The following PSME4 variants were observed in gnomAD, a reference collection of about 807,000 sequenced individuals.
The protein encoded by PSME4 is proteasome activator subunit 4.
A neutral mutation model predicts 253.9 loss-of-function variants in PSME4; 89 were observed. That is an observed-to-expected ratio of 0.35 (90% CI 0.30 to 0.42). PSME4 has a LOEUF of 0.42. PSME4 is among the 10% of genes least tolerant of loss of function. PSME4 has a pLI of 1.00. For missense variants in PSME4, 2,014 were observed against 2,195.2 expected (o/e 0.92, Z 1.65); for synonymous variants, 851 against 759.2 (o/e 1.12, Z -1.99).
chr2:53,866,705 T>A (rs1419830314), intron 45 of PSME4, 42 bp downstream of exon 45: 1 of 1,570,112 alleles, frequency 6.4e-7, no homozygotes, highest in Non-Finnish European at 8.7e-7. Context: ...TTAGAAAACA[T>A]CACTGATAAT....
chr2:53,961,667 G>C (rs1251119087), intron 1 of PSME4, among the ~76,000 whole-genome samples: 1 of 152,130 alleles, frequency 6.6e-6, no homozygotes, highest in Non-Finnish European at 1.5e-5. Flanking sequence ...GACAGAGCAA[G>C]ACTGTCTAAA....
intron 1 of PSME4, among the ~76,000 whole-genome samples, chr2:53,949,488 T>G (rs764582526): frequency 3.3e-5 from 5 of 152,026 alleles, no homozygotes; most frequent in Non-Finnish European, 7.4e-5. Flanking sequence ...AAACTTTTTA[T>G]TGGTTTTCTG....
rs764285124 is a variant in PSME4 at position 53,887,894 on chromosome 2, G to A, written c.4484C>T (p.Thr1495Ile). The part of the protein sequence containing the change: ...RLLKYLEPKL[T>I]QVYKNVRERI... ...TTCTCTGACATTTTTGTAAACCTGG[G>A]TGAGTTTGGGTTCCAAGTACTTCAG... Residue 1495 changes from threonine (T) to isoleucine (I), a missense_variant, in exon 39 of 47, where the codon ACC becomes ATC. Physicochemically the swap from Thr to Ile is moderately conservative, Grantham distance 89. Transcript: ENST00000404125. 1.9e-6 allele frequency: 3 copies of A among 1,603,094 alleles called. No individual in the cohort carries two copies. Among genetic ancestry groups the A allele is most frequent in the Admixed American group, 1.7e-5 (1 of 59,946 alleles).
chr2:53,878,077 T>C (rs1156765873), intron 41 of PSME4, among the ~76,000 whole-genome samples: 1 of 152,214 alleles, frequency 6.6e-6, no homozygotes, highest in African/African-American at 2.4e-5. Context: ...ATTCATTTAC[T>C]TTCTACTGGC....
intron 41 of PSME4, among the ~76,000 whole-genome samples, chr2:53,883,342 T>G (rs1008304435): frequency 1.3e-5 from 2 of 152,120 alleles, no homozygotes; most frequent in Non-Finnish European, 2.9e-5. Context: ...ACAAAAATTT[T>G]TGAGAAAATT....
At chr2:53,939,563 C>CA (rs964559407) in intron 4 of PSME4, among the ~76,000 whole-genome samples, 3 of 151,582 alleles carry the variant, frequency 2.0e-5, no homozygotes, top group African/African-American at 7.3e-5. Flanking sequence ...CCACTCTCTA[C>CA]AAAAAATATT....
In PSME4 at chr2:53,936,023, A is replaced by G. The variant is rs1057433529; in HGVS notation, c.834+64T>C. The G allele has an allele frequency of 1.9e-6, 3 of 1,552,506 alleles. No homozygotes were observed. In the African/African-American group the frequency reaches 4.2e-5, roughly 22 times the overall value. On this transcript the variant is annotated intron_variant, in intron 7 of 46. Transcript: ENST00000404125. Reference sequence around the variant, plus strand: ...ATTCTCCTGCCTCAGCCACCCGAGCAGCTGGGATTACAGGCGCCTACCACC... The same window carrying G: ...ATTCTCCTGCCTCAGCCACCCGAGCGGCTGGGATTACAGGCGCCTACCACC...
At chr2:53,966,556 C>CT (rs931789907) in intron 1 of PSME4, among the ~76,000 whole-genome samples, 9 of 151,022 alleles carry the variant, frequency 6.0e-5, no homozygotes, top group Non-Finnish European at 1.0e-4. Context: ...CCCAGCTACT[C>CT]TGTCTCCAAA....
intron 19 of PSME4, 138 bp downstream of exon 19, chr2:53,920,055 A>T: frequency 3.9e-6 from 3 of 776,556 alleles, no homozygotes; most frequent in Non-Finnish European, 3.8e-6. Flanking sequence ...ACATTATATT[A>T]AATGATTTTC....
Position 53,925,560 on chromosome 2 carries a change from T to C in PSME4, c.1788A>G (p.Gln596=), listed in dbSNP as rs752179929. ...LSSTFSTILT[Q]CSKEIFMVAL... ...TTACCATAAATATTTCTTTGGAACATTGGGTGAGGATTGTACTAAACGTAG... is the reference window on the plus strand; with the variant it reads ...TTACCATAAATATTTCTTTGGAACACTGGGTGAGGATTGTACTAAACGTAG... The change falls in exon 14 of 47, where the codon CAA becomes CAG. Residue 596 remains glutamine (Q), a synonymous_variant. Coordinates refer to ENST00000404125, the MANE Select transcript of PSME4 (RefSeq NM_014614.3). 5.1e-5 allele frequency: 79 copies of C among 1,559,232 alleles called. No individual in the cohort carries two copies. In the East Asian group the frequency reaches 8.9e-4, roughly 18 times the overall value.
At chr2:53,910,859 A>T (rs1667799768) in intron 20 of PSME4, among the ~76,000 whole-genome samples, 1 of 152,232 alleles carries the variant, frequency 6.6e-6, no homozygotes, top group African/African-American at 2.4e-5. Context: ...TTTATTTCAA[A>T]ATATGAGATT....
At chr2:53,940,952 C>CATATTTATTTATATATATAT (rs61078234) in intron 3 of PSME4, among the ~76,000 whole-genome samples, 1 of 24,022 alleles carries the variant, frequency 4.2e-5, no homozygotes, top group Non-Finnish European at 7.2e-5. Flanking sequence ...TATATATATA[C>CATATTTATTTATATATATAT]ATATATATAT....
chr2:53,867,631 C>G (rs1474510551), intron 44 of PSME4, among the ~76,000 whole-genome samples: 1 of 145,220 alleles, frequency 6.9e-6, no homozygotes, highest in African/African-American at 2.6e-5. Flanking sequence ...TTCAAAACCA[C>G]TGCACTCCAA....
At chr2:53,923,913 C>CAAAAAAAAAAAAAAAAAAAA (rs199929436) in intron 14 of PSME4, among the ~76,000 whole-genome samples, 2 of 96,876 alleles carry the variant, frequency 2.1e-5, no homozygotes, top group Non-Finnish European at 4.1e-5. Flanking sequence ...ACAGAGTTAA[C>CAAAAAAAAAAAAAAAAAAAA]AAAAAAAAAA....
At chr2:53,905,921 A>G (rs1028538536) in intron 26 of PSME4, among the ~76,000 whole-genome samples, 1 of 152,218 alleles carries the variant, frequency 6.6e-6, no homozygotes, top group Non-Finnish European at 1.5e-5. Flanking sequence ...TTCCTGGGTG[A>G]TCATCCCAAA....
In PSME4 at chr2:53,931,830, C is replaced by G; in HGVS notation, c.1316+5G>C. 1.2e-6 allele frequency: 2 copies of G among 1,613,716 alleles called. No homozygotes were observed. The highest frequency in any genetic ancestry group is 1.7e-6 in the Non-Finnish European group (2 of 1,179,720). ...CTGTGGCTGAGACTCCCACTAACCA[C>G]TTACCTTTCAAGTACAGGGGGTATT... On this transcript the variant is annotated splice_donor_5th_base_variant and intron_variant, in intron 10 of 46. Coordinates refer to ENST00000404125, the MANE Select transcript of PSME4 (RefSeq NM_014614.3).
At position 53,905,005 on chromosome 2, in the gene PSME4, G is replaced by C. The variant is rs1207190051; in HGVS notation, c.2944-849C>G. ...TCCGTCTCAAACAAACAAAAAAAGA[G>C]TTTGAAATATGTACAATGTGTTGCT... On this transcript the variant is annotated intron_variant, in intron 26 of 46. Transcript: ENST00000404125. Among the ~76,000 whole-genome samples the C allele has an allele frequency of 2.0e-5, 3 of 146,520 alleles. No homozygotes were observed. The South Asian group carries it at 6.7e-4, about 33-fold the overall frequency.
At chr2:53,866,588 C>G (rs1001138999) in intron 45 of PSME4, among the ~76,000 whole-genome samples, 159 bp downstream of exon 45, 1 of 152,180 alleles carries the variant, frequency 6.6e-6, no homozygotes, top group Non-Finnish European at 1.5e-5. Context: ...AGCAAGGTCT[C>G]TGTAATTTTT....
chr2:53,939,957 G>A lies in PSME4; in HGVS notation c.544C>T (p.Pro182Ser). The stretch of plus-strand genomic sequence containing the variant: ...TTTATAAATTGAGAAGCTACTTACG[G>A]TCGGCAGCTTTTCACGAGTGTTTTG... Reference protein sequence around the residue: ...ILKTLVKSCRPYFPADATAEM... With the variant: ...ILKTLVKSCRSYFPADATAEM... Residue 182 changes from proline (P) to serine (S), a missense_variant and splice_region_variant, in exon 4 of 47, where the codon CCA becomes TCA. By Grantham distance (74) the Pro-to-Ser change is moderately conservative. Around this residue, in one of 4 missense-constraint regions of PSME4, gnomAD observed 615 missense variants for 594.4 expected, o/e 1.03. Transcript: ENST00000404125. 1 of 1,595,828 alleles carries A rather than the reference G, an allele frequency of 6.3e-7. No individual in the cohort carries two copies. The highest frequency in any genetic ancestry group is 1.7e-5 in the Admixed American group (1 of 59,674).
Sources: gnomAD v4.1 joint callset for allele counts (sites outside exome capture counted in the v4.1 genomes callset) on GRCh38, gnomAD v4.1.1 for gene constraint, gnomAD v4.1.1 regional missense constraint, MANE v1.5 for transcripts, NCBI Gene and HGNC (gene_info 2026-07-23, HGNC 2026-07-21) for gene names.